The following ANO1 variants were observed in gnomAD, a reference collection of about 807,000 sequenced individuals.
The protein encoded by ANO1 is anoctamin 1.
In ANO1, 59 loss-of-function variants were observed where a neutral mutation model predicts 124.0. The observed-to-expected ratio is 0.48, with a 90% CI of 0.39 to 0.59. ANO1 has a LOEUF of 0.59. ANO1 is among the 20% of genes least tolerant of loss of function. The pLI is 0.00. For missense variants in ANO1, 1,059 were observed against 1,328.0 expected (o/e 0.80, Z 3.15); for synonymous variants, 529 against 532.0 (o/e 0.99, Z 0.08).
intron 1 of ANO1, among the ~76,000 whole-genome samples, chr11:69,988,040 G>A (rs1438895112): frequency 6.6e-6 from 1 of 152,174 alleles, no homozygotes; most frequent in African/African-American, 2.4e-5. Context: ...GGGTGTCCCA[G>A]CCTCGGTTCT....
At chr11:70,167,831 TC>T (rs1457845428) in intron 21 of ANO1, among the ~76,000 whole-genome samples, 4 of 152,198 alleles carry the variant, frequency 2.6e-5, no homozygotes, top group Admixed American at 6.5e-5. Flanking sequence ...TGCAAGATCG[TC>T]CTTACTTGAA....
chr11:70,034,739 C>A (rs948802240), intron 1 of ANO1, among the ~76,000 whole-genome samples: 11 of 152,164 alleles, frequency 7.2e-5, no homozygotes, highest in African/African-American at 2.6e-4. Flanking sequence ...CTTCCCAAAC[C>A]CCCCACATAA....
chr11:70,093,614 T>G (rs147688445), intron 2 of ANO1, among the ~76,000 whole-genome samples: 1 of 152,278 alleles, frequency 6.6e-6, no homozygotes, highest in South Asian at 2.1e-4. Flanking sequence ...CCGTGGACAT[T>G]GGAACCCTAT....
intron 2 of ANO1, among the ~76,000 whole-genome samples, chr11:70,102,101 G>A (rs956750983): frequency 3.3e-5 from 5 of 152,198 alleles, no homozygotes; most frequent in African/African-American, 7.2e-5. Context: ...TATTAAACGC[G>A]AAATCCAGAG....
At chr11:70,024,392 C>T (rs183803987) in intron 1 of ANO1, among the ~76,000 whole-genome samples, 98 of 152,300 alleles carry the variant, frequency 6.4e-4, no homozygotes, top group Non-Finnish European at 1.0e-3. Flanking sequence ...AGGACAAGAA[C>T]GGCACAAGGG....
intron 1 of ANO1, among the ~76,000 whole-genome samples, chr11:70,032,107 G>A (rs960997346): frequency 6.6e-6 from 1 of 152,226 alleles, no homozygotes; most frequent in Non-Finnish European, 1.5e-5. Context: ...GGAAGGAGGA[G>A]GCAGGAAAGG....
chr11:70,098,206 G>C (rs2045094446), intron 2 of ANO1, among the ~76,000 whole-genome samples: 1 of 152,198 alleles, frequency 6.6e-6, no homozygotes, highest in African/African-American at 2.4e-5. Flanking sequence ...CCGCAGGGCT[G>C]GGTGTTCTCC....
intron 24 of ANO1, among the ~76,000 whole-genome samples, chr11:70,184,140 A>G (rs571089060): frequency 4.2e-4 from 64 of 152,270 alleles, no homozygotes; most frequent in South Asian, 1.0e-3. Context: ...CCTGCCCCTC[A>G]TGGGGGCATT....
At chr11:70,020,780 G>A (rs2134997504) in intron 1 of ANO1, 1 of 152,426 alleles carries the variant, frequency 6.6e-6, no homozygotes, top group Admixed American at 6.5e-5. Flanking sequence ...AAGCCTCCCA[G>A]AGGTGTCTCA....
intron 1 of ANO1, among the ~76,000 whole-genome samples, chr11:70,021,655 C>T (rs1200113952): frequency 1.3e-5 from 2 of 152,062 alleles, no homozygotes; most frequent in Non-Finnish European, 2.9e-5. Flanking sequence ...CGGTTTTTCC[C>T]ATGTCGATCG....
chr11:70,055,412 C>T (rs61886435), intron 1 of ANO1, among the ~76,000 whole-genome samples: 2,010 of 152,078 alleles, frequency 0.013, 16 homozygotes, highest in Non-Finnish European at 0.016. Flanking sequence ...AGATGTACCA[C>T]TATAAAGCAT....
intron 11 of ANO1, among the ~76,000 whole-genome samples, chr11:70,141,040 C>A (rs1045857226): frequency 1.3e-5 from 2 of 152,152 alleles, no homozygotes; most frequent in African/African-American, 4.8e-5. Flanking sequence ...TAACAGGTCC[C>A]TAACAGACGT....
the ANO1 span, among the ~76,000 whole-genome samples, chr11:69,980,606 G>A: frequency 1.3e-5 from 2 of 151,556 alleles, no homozygotes; most frequent in African/African-American, 4.9e-5. Context: ...GGGTGACAGA[G>A]TAAGACTGTC....
At chr11:70,093,989 C>T (rs2044741675) in intron 2 of ANO1, among the ~76,000 whole-genome samples, 1 of 152,230 alleles carries the variant, frequency 6.6e-6, no homozygotes, top group Non-Finnish European at 1.5e-5. Flanking sequence ...GTCTCAACGT[C>T]CCCATCTGTA....
At chr11:70,006,663 C>CTTTTTTTTTTTTTTTTTTT (rs56851839) in intron 1 of ANO1, among the ~76,000 whole-genome samples, 9 of 88,994 alleles carry the variant, frequency 1.0e-4, no homozygotes, top group Non-Finnish European at 1.7e-4. Context: ...TTTCTTCTTT[C>CTTTTTTTTTTTTTTTTTTT]TTTTTTTTTT....
chr11:70,007,250 A>G (rs970719342), intron 1 of ANO1, among the ~76,000 whole-genome samples: 2 of 147,614 alleles, frequency 1.4e-5, no homozygotes, highest in Non-Finnish European at 3.0e-5. Flanking sequence ...AACTGGTAGC[A>G]TATTGCAGAA....
rs752115819 is a variant in ANO1 at position 70,108,402 on chromosome 11, T to C, written c.797T>C (p.Met266Thr). 5.6e-6 allele frequency: 9 copies of C among 1,611,698 alleles called. No homozygotes were observed. The highest frequency in any genetic ancestry group is 1.7e-5 in the Admixed American group (1 of 59,958). Residue 266 changes from methionine (M) to threonine (T), a missense_variant and splice_region_variant, in exon 6 of 26, where the codon ATG becomes ACG. This residue lies in a region of ANO1 where 809 missense variants were observed against 1,094.9 expected (regional missense o/e 0.74). Transcript: ENST00000355303. ...RTTCTKAKYS[M>T]GITSLLANGV... ...ACGTGTACAAAGGCCAAGTACAGCA[T>C]GGGTAAGCACGTTTTTGGGGCTTGA...
At chr11:70,145,967 A>G (rs2047362974) in intron 11 of ANO1, among the ~76,000 whole-genome samples, 1 of 148,954 alleles carries the variant, frequency 6.7e-6, no homozygotes, top group African/African-American at 2.5e-5. Flanking sequence ...AAAAAAAAAG[A>G]AAGAAAGAAT....
At chr11:70,104,904 TGTA>T (rs2045442334) in intron 4 of ANO1, among the ~76,000 whole-genome samples, 3 of 151,910 alleles carry the variant, frequency 2.0e-5, no homozygotes, top group African/African-American at 7.3e-5. Context: ...TGCTTATAAA[TGTA>T]GTAGGGGTGG....
Sources: gnomAD v4.1 joint callset for allele counts (sites outside exome capture counted in the v4.1 genomes callset) on GRCh38, gnomAD v4.1.1 for gene constraint, gnomAD v4.1.1 regional missense constraint, MANE v1.5 for transcripts, NCBI Gene and HGNC (gene_info 2026-07-23, HGNC 2026-07-21) for gene names.